Variants in CPZ observed in about 807,000 individuals in gnomAD.
The protein encoded by CPZ is VEZT/CPZ fusion.
Under a neutral mutation model 61.8 loss-of-function variants are expected in CPZ, and 103 were observed. That is an observed-to-expected ratio of 1.67 (90% CI 1.42 to 1.96). CPZ has a LOEUF of 1.96. Among genes scored for constraint, CPZ ranks in the 30% most tolerant of loss-of-function variants. The probability of loss-of-function intolerance (pLI) is 0.00; values close to 1 mark genes in which losing one functional copy is unlikely to be tolerated. For synonymous variants in CPZ, 551 were observed against 373.7 expected (o/e 1.47, Z -5.47); for missense variants, 1,461 against 914.9 (o/e 1.60, Z -7.70).
In CPZ at chr4:8,614,338, CCCGCT is replaced by C; in HGVS notation, c.1364-20_1364-16del. On this transcript the variant is annotated splice_polypyrimidine_tract_variant and intron_variant, in intron 8 of 10. Coordinates refer to ENST00000360986, the MANE Select transcript of CPZ (RefSeq NM_001014447.3). ...CTGTGCGGCTGACACCCCTGACGTC[CCCGCT>C]GTCTCTGTGCCACAGGCATGTCCGA... is the stretch of plus-strand genomic sequence containing the variant. The C allele has an allele frequency of 6.2e-7, 1 of 1,604,686 alleles. No homozygotes were observed. The highest frequency in any genetic ancestry group is 8.5e-7 in the Non-Finnish European group (1 of 1,176,676).
rs1272306561 is a variant in CPZ, at chr4:8,608,126, GCCCCAGCCTCCAGC to G, written c.1227+710_1227+723del. Among the ~76,000 whole-genome samples the G allele has an allele frequency of 1.4e-4, 17 of 125,698 alleles. 1 individual carries two copies. The East Asian group carries it at 2.9e-3, about 21-fold the overall frequency. The allele number at this position is 125,698 out of a possible 152,430, so 82.5% of individuals were successfully genotyped here. ...AGGGAGGGGTTGTGATCTGAGGTGGGCCCCAGCCTCCAGCCCCCAGCCCCCAGCCCCCAGCTGCG... is the reference window on the plus strand; with the variant it reads ...AGGGAGGGGTTGTGATCTGAGGTGGGCCCCAGCCCCCAGCCCCCAGCTGCG... On this transcript the variant is annotated intron_variant, in intron 7 of 10. Coordinates refer to ENST00000360986, the MANE Select transcript of CPZ (RefSeq NM_001014447.3).
chr4:8,608,621 G>A (rs1024732863), intron 7 of CPZ, among the ~76,000 whole-genome samples: 7 of 34,198 alleles, frequency 2.0e-4, no homozygotes, highest in African/African-American at 7.4e-4. Context: ...TGCCAGGGCT[G>A]CAGGAGGGCT....
chr4:8,619,575 A>T lies in CPZ; in HGVS notation c.1917A>T (p.Thr639=). ...AGCCCTGGTGGTGGTCCTACTTCAC[A>T]TCGCTGAGCACCCACAGGCCACGCT... The part of the protein sequence containing the change: ...GSKPWWWSYF[T]SLSTHRPRWL... The change falls in exon 11 of 11, where the codon ACA becomes ACT. Residue 639 remains threonine, a synonymous_variant. Transcript: ENST00000360986. 6.5e-7 allele frequency: 1 copy of T among 1,530,546 alleles called. No homozygotes were observed. 94.8% of individuals were successfully genotyped at this position (1,530,546 alleles called of 1,614,324 possible). A position where few individuals can be genotyped will look rare whatever the true frequency, so the allele number is the denominator to read the frequency against.
At position 8,619,365 on chromosome 4, in the gene CPZ, C is replaced by G. The variant is rs1716484163; in HGVS notation, c.1707C>G (p.Ala569=). The change falls in exon 11 of 11, where the codon GCC becomes GCG. Residue 569 remains alanine, a synonymous_variant. Transcript: ENST00000360986. ...AKVIKKVIIP[A]RMKRAGRVDF... ...TCATCAAGAAAGTCATCATCCCCGC[C>G]CGGATGAAGAGGGCTGGCCGTGTGG... The G allele has an allele frequency of 6.2e-7, 1 of 1,614,104 alleles. No individual in the cohort carries two copies. Among genetic ancestry groups the G allele is most frequent in the Non-Finnish European group, 8.5e-7 (1 of 1,180,040 alleles).
At position 8,601,191 on chromosome 4, in the gene CPZ, C is replaced by T; in HGVS notation, c.190C>T (p.Leu64=). ...AAYNHTTFPN[L]LQHRSWEVVE... ...CTACAACCACACCACCTTCCCCAAC[C>T]TGCTTCAGCACCGGTCGTGGGAGGT... Residue 64 remains leucine (L), a synonymous_variant, in exon 3 of 11, where the codon CTG becomes TTG. Coordinates refer to ENST00000360986, the MANE Select transcript of CPZ (RefSeq NM_001014447.3). 2 of 1,612,130 alleles carry T rather than the reference C, an allele frequency of 1.2e-6. No homozygotes were observed. The highest frequency in any genetic ancestry group is 1.7e-6 in the Non-Finnish European group (2 of 1,178,992).
chr4:8,606,846 G>A lies in CPZ; in HGVS notation c.1016G>A (p.Arg339His), dbSNP rs368933993. 7 of 1,613,404 alleles carry A rather than the reference G, an allele frequency of 4.3e-6. No individual in the cohort carries two copies. The highest frequency in any genetic ancestry group is 2.2e-5 in the South Asian group (2 of 91,074). The change falls in exon 6 of 11, where the codon CGC becomes CAC. Residue 339 changes from arginine to histidine, a missense_variant. Physicochemically the swap from Arg to His is conservative, Grantham distance 29. Coordinates refer to ENST00000360986, the MANE Select transcript of CPZ (RefSeq NM_001014447.3). ...GAGTACTACCGGCTGGCGGAGACCC[G>A]CGGCGCACGCAGCGACCACATCCCC... is the stretch of plus-strand genomic sequence containing the variant. The part of the protein sequence containing the change: ...TSEYYRLAET[R>H]GARSDHIPIP...
rs755832278 is a variant in CPZ, at chr4:8,612,058, A to G, written c.1259A>G (p.Asp420Gly). 3 of 1,613,934 alleles carry G rather than the reference A, an allele frequency of 1.9e-6. No homozygotes were observed. In the South Asian group the frequency reaches 3.3e-5, roughly 18 times the overall value. ...MFKLLSRAYADVHPMMMDRSE... is the reference protein window; with the variant it reads ...MFKLLSRAYAGVHPMMMDRSE... ...AAGCTGCTGTCCAGAGCCTACGCTG[A>G]CGTCCACCCCATGATGATGGACAGG... The change falls in exon 8 of 11, where the codon GAC (aspartate) becomes GGC (glycine). Residue 420 changes from aspartate (D) to glycine (G), a missense_variant. Physicochemically the swap from Asp to Gly is moderately conservative, Grantham distance 94. Transcript: ENST00000360986.
chr4:8,599,627 T>G (rs1256432879), intron 2 of CPZ, 142 bp downstream of exon 2: 1 of 1,472,084 alleles, frequency 6.8e-7, no homozygotes, highest in Non-Finnish European at 9.0e-7. Flanking sequence ...TAGAACCCCC[T>G]CGTAAACAGC....
chr4:8,609,314 C>T (rs1481699449), intron 7 of CPZ, among the ~76,000 whole-genome samples: 1 of 124,026 alleles, frequency 8.1e-6, no homozygotes, highest in African/African-American at 2.6e-5. Context: ...TTCACTCATG[C>T]ACTTATTCAC....
At chr4:8,599,883 C>G in intron 2 of CPZ, 1 of 231,522 alleles carries the variant, frequency 4.3e-6, no homozygotes. Flanking sequence ...CCGATTTCCT[C>G]CTTGTGACAG....
rs1330908410 is a variant in CPZ at position 8,606,819 on chromosome 4, C to T, written c.989C>T (p.Ser330Phe). The T allele has an allele frequency of 1.2e-6, 2 of 1,614,098 alleles. No homozygotes were observed. Among genetic ancestry groups the T allele is most frequent in the South Asian group, 1.1e-5 (1 of 91,090 alleles). The change falls in exon 6 of 11, where the codon TCC (serine) becomes TTC (phenylalanine). Residue 330 changes from serine (S) to phenylalanine (F), a missense_variant. Physicochemically the swap from Ser to Phe is radical, Grantham distance 155 (BLOSUM62 -2). Transcript: ENST00000360986. ...AACCGAAATTTCCCGGACCTGACGT[C>T]CGAGTACTACCGGCTGGCGGAGACC... ...DLNRNFPDLT[S>F]EYYRLAETRG...
intron 9 of CPZ, 92 bp downstream of exon 9, chr4:8,614,590 C>G: frequency 1.5e-6 from 2 of 1,338,856 alleles, no homozygotes; most frequent in South Asian, 2.8e-5. Context: ...CGTAGCCTCA[C>G]TGCCCCATAC....
rs550692269 is a variant in CPZ, at chr4:8,609,021, T to C, written c.1227+1596T>C. ...TTTCACTTGTTCATCATTCATTAACTCACTCCTTCACTCACCCATTCACTC... is the reference window on the plus strand; with the variant it reads ...TTTCACTTGTTCATCATTCATTAACCCACTCCTTCACTCACCCATTCACTC... On this transcript the variant is annotated intron_variant, in intron 7 of 10. Coordinates refer to ENST00000360986, the MANE Select transcript of CPZ (RefSeq NM_001014447.3). Among the ~76,000 whole-genome samples the C allele has an allele frequency of 6.5e-4, 86 of 131,636 alleles. 1 individual carries two copies. Among genetic ancestry groups the C allele is most frequent in the African/African-American group, 2.7e-3 (73 of 27,056 alleles). 86.4% of individuals were successfully genotyped at this position (131,636 alleles called of 152,430 possible). A position where few individuals can be genotyped will look rare whatever the true frequency, so the allele number is the denominator to read the frequency against.
rs1023334438 is a variant in CPZ, at chr4:8,619,527, G to T, written c.1869G>T (p.Arg623Ser). 2.5e-6 allele frequency: 4 copies of T among 1,585,840 alleles called. No individual in the cohort carries two copies. Among genetic ancestry groups the T allele is most frequent in the Non-Finnish European group, 3.4e-6 (4 of 1,164,980 alleles). The part of the protein sequence containing the change: ...ATEPDPLRAR[R>S]QPSADGSKPW... ...AGCCCGACCCGCTCCGGGCGCGCAG[G>T]CAGCCCTCGGCCGACGGGAGTAAGC... Residue 623 changes from arginine (R) to serine (S), a missense_variant, in exon 11 of 11, where the codon AGG (arginine) becomes AGT (serine). Physicochemically the swap from Arg to Ser is moderately radical, Grantham distance 110. Transcript: ENST00000360986.
chr4:8,596,676 A>G (rs914991821), intron 1 of CPZ, among the ~76,000 whole-genome samples: 1 of 152,238 alleles, frequency 6.6e-6, no homozygotes, highest in Non-Finnish European at 1.5e-5. Flanking sequence ...CAATCTACAC[A>G]TGAGGAAACT....
intron 7 of CPZ, chr4:8,611,328 G>A (rs1715658999): frequency 4.4e-6 from 2 of 451,502 alleles, no homozygotes; most frequent in South Asian, 1.6e-5. Flanking sequence ...TGTGGACTCT[G>A]CCTGGGGGAT....
At chr4:8,614,549 T>C (rs370157647) in intron 9 of CPZ, 51 bp downstream of exon 9, 33 of 1,589,990 alleles carry the variant, frequency 2.1e-5, no homozygotes, top group Non-Finnish European at 2.8e-5. Context: ...CTGGGTGGGG[T>C]GGGTCACATT....
Position 8,605,890 on chromosome 4 carries a change from C to T in CPZ, c.710-99C>T, listed in dbSNP as rs981952447. The T allele has an allele frequency of 8.3e-6, 10 of 1,204,636 alleles. No individual in the cohort carries two copies. In the East Asian group the frequency reaches 2.1e-4, roughly 26 times the overall value. 74.6% of individuals were successfully genotyped at this position (1,204,636 alleles called of 1,614,324 possible). ...TGAGTCAAAACAAGTATGAATTGGT[C>T]CCAGCCCATCTGGTCATTCTTGCTG... On this transcript the variant is annotated intron_variant, in intron 4 of 10. Coordinates refer to ENST00000360986, the MANE Select transcript of CPZ (RefSeq NM_001014447.3).
chr4:8,600,837 T>C lies in CPZ; in HGVS notation c.122-286T>C, dbSNP rs1052962551. 1.4e-5 allele frequency: 13 copies of C among 919,730 alleles called. No homozygotes were observed. The African/African-American group carries it at 2.1e-4, about 15-fold the overall frequency. 57.0% of individuals were successfully genotyped at this position (919,730 alleles called of 1,614,324 possible). A position where few individuals can be genotyped will look rare whatever the true frequency, so the allele number is the denominator to read the frequency against. ...TCAGCTGGCTGCCTTCACGGGCCCT[T>C]GTGTGGCACAGCTGCTTTGCAGATG... On this transcript the variant is annotated intron_variant, in intron 2 of 10. Transcript: ENST00000360986.
Sources: allele counts gnomAD v4.1 joint callset (sites outside exome capture counted in the v4.1 genomes callset), GRCh38; gene constraint gnomAD v4.1.1; transcripts MANE v1.5; gene names NCBI Gene and HGNC (gene_info 2026-07-23, HGNC 2026-07-21).